The following LRRTM4 variants were observed in gnomAD, a reference collection of about 807,000 sequenced individuals.
LRRTM4 encodes leucine-rich repeat transmembrane neuronal protein 4.
LRRTM4 carries 25 observed loss-of-function variants against 47.6 expected under a neutral mutation model. The observed-to-expected ratio is 0.53, with a 90% CI of 0.38 to 0.73. The LOEUF (loss-of-function observed/expected upper bound fraction) is 0.73. Ranked by LOEUF, LRRTM4 falls within the 30% of genes least tolerant of loss-of-function variation. LRRTM4 has a pLI of 0.00. For missense variants in LRRTM4, 638 were observed against 713.4 expected (o/e 0.89, Z 1.20); for synonymous variants, 311 against 269.5 (o/e 1.15, Z -1.51).
intron 3 of LRRTM4, among the ~76,000 whole-genome samples, chr2:77,148,186 C>T (rs923623880): frequency 3.3e-5 from 5 of 152,138 alleles, no homozygotes; most frequent in African/African-American, 4.8e-5. Context: ...ACTTTTACTT[C>T]ATGAACATAG....
intron 3 of LRRTM4, among the ~76,000 whole-genome samples, chr2:76,915,471 T>G (rs760791452): frequency 6.6e-6 from 1 of 152,206 alleles, no homozygotes; most frequent in Non-Finnish European, 1.5e-5. Context: ...GTGACATGGT[T>G]TGCCACCAAA....
intron 3 of LRRTM4, among the ~76,000 whole-genome samples, chr2:76,882,613 A>C (rs564270995): frequency 6.6e-6 from 1 of 152,102 alleles, no homozygotes; most frequent in Non-Finnish European, 1.5e-5. Context: ...CTGAGGTGGG[A>C]GGATTCTACT....
intron 3 of LRRTM4, among the ~76,000 whole-genome samples, chr2:77,003,641 T>G (rs1486326644): frequency 1.3e-5 from 2 of 152,164 alleles, no homozygotes; most frequent in Non-Finnish European, 1.5e-5. Context: ...ACCTCTTCCC[T>G]TTATAAATTA....
chr2:77,413,733 G>GA (rs1456101831), intron 3 of LRRTM4, among the ~76,000 whole-genome samples: 1 of 151,740 alleles, frequency 6.6e-6, no homozygotes, highest in African/African-American at 2.4e-5. Flanking sequence ...CCCCCAACCA[G>GA]AAAAAAATGC....
intron 3 of LRRTM4, among the ~76,000 whole-genome samples, chr2:77,132,026 A>G (rs945102857): frequency 5.3e-5 from 8 of 152,150 alleles, no homozygotes; most frequent in Non-Finnish European, 1.0e-4. Flanking sequence ...TCTTCCAGCT[A>G]TTTTGAAATA....
At chr2:77,079,228 C>CT (rs1680448847) in intron 3 of LRRTM4, among the ~76,000 whole-genome samples, 2 of 152,286 alleles carry the variant, frequency 1.3e-5, no homozygotes, top group Non-Finnish European at 2.9e-5. Flanking sequence ...AACATTTCAA[C>CT]TTTTTTTATG....
At chr2:77,031,156 A>T (rs947725402) in intron 3 of LRRTM4, among the ~76,000 whole-genome samples, 1 of 148,260 alleles carries the variant, frequency 6.7e-6, no homozygotes, top group Non-Finnish European at 1.5e-5. Flanking sequence ...ATAGCAAAAT[A>T]TCTATTTCTA....
Position 77,518,937 on chromosome 2 carries a change from T to C in LRRTM4, c.932A>G (p.Asn311Ser). Residue 311 changes from asparagine to serine, a missense_variant, in exon 3 of 4, where the codon AAT (asparagine) becomes AGT (serine). Transcript: ENST00000409884. The stretch of plus-strand genomic sequence containing the variant: ...AATGCTCCGACTGCATTCCCACATA[T>C]TTCCAGACAATGTGATGGATATTAA... The part of the protein sequence containing the change: ...ISLISITLSG[N>S]MWECSRSICP... 1.2e-6 allele frequency: 2 copies of C among 1,610,750 alleles called. No homozygotes were observed. Among genetic ancestry groups the C allele is most frequent in the Non-Finnish European group, 1.7e-6 (2 of 1,178,342 alleles).
intron 3 of LRRTM4, among the ~76,000 whole-genome samples, chr2:77,484,574 G>A (rs1677840369): frequency 6.6e-6 from 1 of 152,096 alleles, no homozygotes; most frequent in South Asian, 2.1e-4. Flanking sequence ...TCAAGGCCAA[G>A]GCATTGCCTA....
intron 3 of LRRTM4, among the ~76,000 whole-genome samples, chr2:77,323,984 T>C (rs1670654350): frequency 6.6e-6 from 1 of 152,126 alleles, no homozygotes; most frequent in Non-Finnish European, 1.5e-5. Flanking sequence ...CAATAAATAT[T>C]AGATCGTCAT....
chr2:77,488,111 A>G (rs541746922), intron 3 of LRRTM4, among the ~76,000 whole-genome samples: 1 of 152,216 alleles, frequency 6.6e-6, no homozygotes, highest in African/African-American at 2.4e-5. Flanking sequence ...AGGAGAGAGG[A>G]GCTGCAGCTC....
At position 76,903,128 on chromosome 2, in the gene LRRTM4, T is replaced by C. The variant is rs370987128; in HGVS notation, c.1552-154212A>G. Among the ~76,000 whole-genome samples the C allele has an allele frequency of 2.6e-5, 4 of 152,244 alleles. No homozygotes were observed. The East Asian group carries it at 7.7e-4, about 29-fold the overall frequency. On this transcript the variant is annotated intron_variant, in intron 3 of 3. Coordinates refer to ENST00000409884, the MANE Select transcript of LRRTM4 (RefSeq NM_001134745.3). The stretch of plus-strand genomic sequence containing the variant: ...GGCTCGTGCCTGTAATTCCAGCACT[T>C]TGGGAGGCCAAGGTGGGTGGATCAA...
At position 76,922,136 on chromosome 2, in the gene LRRTM4, C is replaced by G. The variant is rs183681287; in HGVS notation, c.1552-173220G>C. 2.6e-3 allele frequency among the ~76,000 whole-genome samples: 398 copies of G among 152,164 alleles called. 5 individuals are homozygous for G. Among genetic ancestry groups the G allele is most frequent in the Middle Eastern group, 6.8e-3 (2 of 294 alleles). ...AAGATATTTTTCCATGTGAAATAAG[C>G]TAGATGCAAAAAGTCAAATAATGTA... is the stretch of plus-strand genomic sequence containing the variant. On this transcript the variant is annotated intron_variant, in intron 3 of 3. Coordinates refer to ENST00000409884, the MANE Select transcript of LRRTM4 (RefSeq NM_001134745.3).
chr2:77,318,431 T>C (rs1439582904), intron 3 of LRRTM4, among the ~76,000 whole-genome samples: 2 of 152,220 alleles, frequency 1.3e-5, no homozygotes, highest in South Asian at 2.1e-4. Context: ...TCAACATTTA[T>C]GGACTTCACA....
At chr2:77,025,019 C>G (rs1678406609) in intron 3 of LRRTM4, among the ~76,000 whole-genome samples, 1 of 152,060 alleles carries the variant, frequency 6.6e-6, no homozygotes, top group Admixed American at 6.6e-5. Flanking sequence ...TTAAAACTTT[C>G]AACAAGTCAA....
intron 3 of LRRTM4, among the ~76,000 whole-genome samples, chr2:77,209,862 A>C (rs1674243792): frequency 6.6e-6 from 1 of 152,240 alleles, no homozygotes; most frequent in Non-Finnish European, 1.5e-5. Context: ...ATAGTAACTC[A>C]GCAGGACTAA....
intron 3 of LRRTM4, among the ~76,000 whole-genome samples, chr2:76,796,673 C>A (rs1321568129): frequency 8.5e-6 from 1 of 118,076 alleles, no homozygotes; most frequent in Non-Finnish European, 1.7e-5. Context: ...TCACCATCAT[C>A]AAAGACCAAA....
chr2:77,088,357 C>A (rs1277751438), intron 3 of LRRTM4, among the ~76,000 whole-genome samples: 1 of 152,058 alleles, frequency 6.6e-6, no homozygotes, highest in Non-Finnish European at 1.5e-5. Flanking sequence ...GATGACATTC[C>A]ACCACAAAAG....
intron 3 of LRRTM4, among the ~76,000 whole-genome samples, chr2:76,839,786 C>T (rs1038294435): frequency 5.3e-5 from 8 of 151,798 alleles, no homozygotes; most frequent in African/African-American, 1.9e-4. Flanking sequence ...TAGGTAACAT[C>T]TAAATACAAT....
Sources: gnomAD v4.1 joint callset for allele counts (sites outside exome capture counted in the v4.1 genomes callset) on GRCh38, gnomAD v4.1.1 for gene constraint, MANE v1.5 for transcripts, NCBI Gene and HGNC (gene_info 2026-07-23, HGNC 2026-07-21) for gene names.